Variants in MAGI1 observed in about 807,000 individuals in gnomAD.
MAGI1 encodes the protein membrane-associated guanylate kinase, WW and PDZ domain-containing protein 1.
In MAGI1, 58 loss-of-function variants were observed where a neutral mutation model predicts 139.9. The ratio of observed to expected loss-of-function variants is 0.41; its 90% CI spans 0.34 to 0.52. The LOEUF is 0.52. Ranked by LOEUF, MAGI1 falls within the 20% of genes least tolerant of loss-of-function variation. MAGI1 has a pLI of 0.12. For missense variants in MAGI1, 1,874 were observed against 1,901.6 expected, an observed-to-expected ratio of 0.99 and a Z score of 0.27; for synonymous variants, 812 against 737.9, an observed-to-expected ratio of 1.10 and a Z score of -1.63.
At chr3:65,799,893 G>A (rs1450738199) in intron 1 of MAGI1, among the ~76,000 whole-genome samples, 1 of 152,060 alleles carries the variant, frequency 6.6e-6, no homozygotes, top group Non-Finnish European at 1.5e-5. Flanking sequence ...TTCTTCAGCT[G>A]AGAAGATGTC....
intron 1 of MAGI1, among the ~76,000 whole-genome samples, chr3:65,937,301 C>T (rs541673335): frequency 1.2e-4 from 18 of 152,134 alleles, no homozygotes; most frequent in Non-Finnish European, 1.8e-4. Flanking sequence ...CACCCTGACA[C>T]TTCTCCCTTG....
Position 65,430,798 on chromosome 3 carries a change from C to T in MAGI1, c.1447G>A (p.Gly483Ser). The T allele has an allele frequency of 6.2e-7, 1 of 1,613,592 alleles. No individual in the cohort carries two copies. Among genetic ancestry groups the T allele is most frequent in the Non-Finnish European group, 8.5e-7 (1 of 1,179,770 alleles). The change falls in exon 11 of 23, where the codon GGC (glycine) becomes AGC (serine). Residue 483 changes from glycine (G) to serine (S), a missense_variant. This residue lies in a region of MAGI1 where 86 missense variants were observed against 130.0 expected (regional missense o/e 0.66). Transcript: ENST00000402939. ...TKLRKSSRGFGFTVVGGDEPD... is the reference protein window; with the variant it reads ...TKLRKSSRGFSFTVVGGDEPD... ...TCATCCCCTCCAACCACCGTGAAGC[C>T]AAAGCCACGACTGCTTTTCCGCAGC... is the stretch of plus-strand genomic sequence containing the variant.
chr3:65,856,420 G>GACAA (rs71281375), intron 1 of MAGI1, among the ~76,000 whole-genome samples: 21,152 of 152,022 alleles, frequency 0.14, 1,526 homozygotes, highest in African/African-American at 0.17. Flanking sequence ...GGCAGATGGT[G>GACAA]ACACTCAATG....
chr3:65,460,745 G>A (rs1949725467), intron 5 of MAGI1, among the ~76,000 whole-genome samples: 1 of 151,954 alleles, frequency 6.6e-6, no homozygotes, highest in Non-Finnish European at 1.5e-5. Flanking sequence ...TCCCCTCCCT[G>A]TGCCCATATG....
chr3:65,433,791 G>A lies in MAGI1; in HGVS notation c.1364-2910C>T, dbSNP rs148658384. Reference sequence around the variant, plus strand: ...TAGGTGCATGTTTCCCTGCCAGGATGGGGGGAGGGGAAAGAAATGTCACTT... The same window carrying A: ...TAGGTGCATGTTTCCCTGCCAGGATAGGGGGAGGGGAAAGAAATGTCACTT... On this transcript the variant is annotated intron_variant, in intron 10 of 22. Coordinates refer to ENST00000402939, the MANE Select transcript of MAGI1 (RefSeq NM_001033057.2). Among the ~76,000 whole-genome samples the A allele has an allele frequency of 2.8e-3, 433 of 152,090 alleles. 9 individuals carry two copies. The highest frequency in any genetic ancestry group is 0.017 in the Middle Eastern group (5 of 292).
intron 1 of MAGI1, among the ~76,000 whole-genome samples, chr3:65,884,296 C>T (rs1027854765): frequency 1.3e-5 from 2 of 152,118 alleles, no homozygotes; most frequent in Non-Finnish European, 1.5e-5. Flanking sequence ...TAGCACATAG[C>T]GATACTGTGC....
chr3:65,359,177 A>G (rs1940519321), intron 22 of MAGI1: 1 of 1,611,286 alleles, frequency 6.2e-7, no homozygotes, highest in African/African-American at 1.3e-5. Context: ...GCCCAGCACC[A>G]AGAACAGTCA....
chr3:65,587,936 A>T (rs1336318144), intron 2 of MAGI1, among the ~76,000 whole-genome samples: 2 of 152,170 alleles, frequency 1.3e-5, no homozygotes, highest in East Asian at 3.9e-4. Flanking sequence ...CAAGCCTGAG[A>T]GAAGCTCAAC....
intron 2 of MAGI1, among the ~76,000 whole-genome samples, chr3:65,572,296 A>G (rs2080995476): frequency 6.6e-6 from 1 of 152,156 alleles, no homozygotes; most frequent in African/African-American, 2.4e-5. Context: ...CTAAGGTCAA[A>G]TGACCTTAAA....
intron 12 of MAGI1, among the ~76,000 whole-genome samples, chr3:65,420,578 T>C (rs6778911): frequency 0.88 from 133,864 of 152,148 alleles, 59,014 homozygotes; most frequent in Middle Eastern, 0.97. Context: ...TCCCAGTGCC[T>C]AGACGATGAC....
At position 65,503,796 on chromosome 3, in the gene MAGI1, G is replaced by T. The variant is rs138738278; in HGVS notation, c.431-10165C>A. ...GGGAAGCATCTGATCTGGTTTTCAT[G>T]ATCCTACTTCTAGCTCTTTTCTCTA... On this transcript the variant is annotated intron_variant, in intron 2 of 22. Coordinates refer to ENST00000402939, the MANE Select transcript of MAGI1 (RefSeq NM_001033057.2). 9.9e-5 allele frequency among the ~76,000 whole-genome samples: 15 copies of T among 152,280 alleles called. No homozygotes were observed. The East Asian group carries it at 2.7e-3, about 27-fold the overall frequency.
At chr3:65,407,499 TAG>T (rs1441480435) in intron 12 of MAGI1, among the ~76,000 whole-genome samples, 1 of 147,160 alleles carries the variant, frequency 6.8e-6, no homozygotes, top group Non-Finnish European at 1.5e-5. Context: ...GAGGACTGAG[TAG>T]AGAGATGTGT....
rs145500593 is a variant in MAGI1 at position 65,772,223 on chromosome 3, A to G, written c.314-150135T>C. 3.7e-3 allele frequency among the ~76,000 whole-genome samples: 563 copies of G among 152,252 alleles called. 6 individuals carry two copies. The highest frequency in any genetic ancestry group is 0.013 in the African/African-American group (543 of 41,560). On this transcript the variant is annotated intron_variant, in intron 1 of 22. Coordinates refer to ENST00000402939, the MANE Select transcript of MAGI1 (RefSeq NM_001033057.2). ...GAAAAAGAAAAAGAAAAAAAAGACA[A>G]CAATATAACCTATTAGGCCCAATCC...
intron 1 of MAGI1, among the ~76,000 whole-genome samples, chr3:65,855,595 T>C (rs1575722823): frequency 1.8e-4 from 1 of 5,406 alleles, no homozygotes; most frequent in African/African-American, 5.7e-4. Flanking sequence ...GAGTAAGACC[T>C]TGGAGGAGAC....
At chr3:65,879,371 G>C (rs2060238193) in intron 1 of MAGI1, among the ~76,000 whole-genome samples, 2 of 151,964 alleles carry the variant, frequency 1.3e-5, no homozygotes, top group South Asian at 2.1e-4. Context: ...TCTGAATATG[G>C]GAGTAAAGGT....
intron 1 of MAGI1, among the ~76,000 whole-genome samples, chr3:65,755,379 T>C (rs1223756028): frequency 6.6e-6 from 1 of 152,228 alleles, no homozygotes; most frequent in Non-Finnish European, 1.5e-5. Flanking sequence ...ATATCTGATA[T>C]GATCCAACCC....
chr3:65,647,880 A>G (rs553161477), intron 1 of MAGI1, among the ~76,000 whole-genome samples: 1 of 152,338 alleles, frequency 6.6e-6, no homozygotes, highest in Admixed American at 6.5e-5. Flanking sequence ...TCCCCCTCAG[A>G]TTGGGACAGC....
intron 1 of MAGI1, among the ~76,000 whole-genome samples, chr3:65,941,883 C>G (rs1041384026): frequency 1.3e-5 from 2 of 152,176 alleles, no homozygotes; most frequent in Non-Finnish European, 2.9e-5. Context: ...CCTCTGCCTC[C>G]CGGGCTCCAT....
chr3:65,400,383 C>T (rs1944762606), intron 13 of MAGI1, among the ~76,000 whole-genome samples: 1 of 152,126 alleles, frequency 6.6e-6, no homozygotes, highest in East Asian at 1.9e-4. Flanking sequence ...CCTCATGCTG[C>T]CAGGCTTGGA....
Sources: gnomAD v4.1 joint callset for allele counts (sites outside exome capture counted in the v4.1 genomes callset) on GRCh38, gnomAD v4.1.1 for gene constraint, gnomAD v4.1.1 regional missense constraint, MANE v1.5 for transcripts, NCBI Gene and HGNC (gene_info 2026-07-23, HGNC 2026-07-21) for gene names.